MEX3D: variants seen among roughly 807,000 people sequenced by gnomAD.
MEX3D encodes mex-3 RNA binding family member D.
A neutral mutation model predicts 6.3 loss-of-function variants in MEX3D; 4 were observed. The observed-to-expected ratio is 0.64, with a 90% CI of 0.31 to 1.46. The LOEUF (loss-of-function observed/expected upper bound fraction) is 1.46. MEX3D is among the 40% of genes most tolerant of loss of function. The pLI is 0.07. For missense variants in MEX3D, 1,038 were observed against 994.4 expected (o/e 1.04, Z -0.59); for synonymous variants, 626 against 494.1 (o/e 1.27, Z -3.54).
chr19:1,564,063 C>T (rs907397209), intron 1 of MEX3D, among the ~76,000 whole-genome samples: 1 of 151,988 alleles, frequency 6.6e-6, no homozygotes, highest in Non-Finnish European at 1.5e-5. Context: ...CTGCCTCAGC[C>T]TCTCTGAGTG....
chr19:1,566,342 C>T (rs769541496), intron 1 of MEX3D, among the ~76,000 whole-genome samples: 1 of 152,192 alleles, frequency 6.6e-6, no homozygotes, highest in Non-Finnish European at 1.5e-5. Context: ...CCACCTGGAC[C>T]GAGGGAAAGG....
intron 1 of MEX3D, among the ~76,000 whole-genome samples, chr19:1,557,858 CAAAAAAAAAAAAAAAAAAAAA>C (rs550036323): frequency 2.0e-3 from 8 of 3,994 alleles, no homozygotes; most frequent in South Asian, 0.022. Context: ...GAGACTGTCT[CAAAAAAAAAAAAAAAAAAAAA>C]AAAAAAAAAA....
rs1407546573 is a variant in MEX3D at position 1,567,645 on chromosome 19, C to A, written c.414G>T (p.Pro138=). 1 of 1,102,796 alleles carries A rather than the reference C, an allele frequency of 9.1e-7. No individual in the cohort carries two copies. Among genetic ancestry groups the A allele is most frequent in the Non-Finnish European group, 1.1e-6 (1 of 875,632 alleles). The allele number at this position is 1,102,796 out of a possible 1,614,324, so 68.3% of individuals were successfully genotyped here. A position where few individuals can be genotyped will look rare whatever the true frequency, so the allele number is the denominator to read the frequency against. Residue 138 remains proline (P), a synonymous_variant, in exon 1 of 2, where the codon CCG becomes CCT. Transcript: ENST00000402693. This position sits in a 1 kb window ranked among gnomAD's most constrained non-coding sequence, Gnocchi z 6.5. ...ACACGTCGGGGGGCGACGGCCGGGG[C>A]GGCGGCGGCGGCGGGGGACTCGCGT... ...DPNASPPPPP[P]PRPSPPDVFA...
chr19:1,563,837 T>C (rs971656509), intron 1 of MEX3D, among the ~76,000 whole-genome samples: 1 of 152,194 alleles, frequency 6.6e-6, no homozygotes, highest in African/African-American at 2.4e-5. Flanking sequence ...AGACAGGGTC[T>C]TGCTTTGTTG....
In MEX3D at chr19:1,565,520, C is replaced by T. The variant is rs538994035; in HGVS notation, c.595+1944G>A. 3.9e-3 allele frequency among the ~76,000 whole-genome samples: 601 copies of T among 152,230 alleles called. 4 individuals are homozygous for T. The highest frequency in any genetic ancestry group is 0.014 in the African/African-American group (573 of 41,518). Reference sequence around the variant, plus strand: ...TCACGTCACTGCACTCCAGCCTGGGCGACAGAGCGAAACTCCGTCTCATAA... The same window carrying T: ...TCACGTCACTGCACTCCAGCCTGGGTGACAGAGCGAAACTCCGTCTCATAA... On this transcript the variant is annotated intron_variant, in intron 1 of 1. Transcript: ENST00000402693.
In MEX3D at chr19:1,555,224, T is replaced by G. The variant is rs549439190; in HGVS notation, c.*339A>C. On this transcript the variant is annotated 3_prime_UTR_variant, in exon 2 of 2. Transcript: ENST00000402693. ...AGCGCTGGAAAAGTCGTGTTTTTTG[T>G]TTTGCTTTTTTAAAGATCACCCTGG... 4 of 1,181,170 alleles carry G rather than the reference T, an allele frequency of 3.4e-6. No individual in the cohort carries two copies. The African/African-American group carries it at 4.8e-5, about 14-fold the overall frequency. The allele number at this position is 1,181,170 out of a possible 1,614,324, so 73.2% of individuals were successfully genotyped here.
Position 1,555,262 on chromosome 19 carries a change from T to C in MEX3D, c.*301A>G. The C allele has an allele frequency of 2.0e-6, 3 of 1,479,712 alleles. No individual in the cohort carries two copies. Among genetic ancestry groups the C allele is most frequent in the Non-Finnish European group, 1.8e-6 (2 of 1,090,562 alleles). The allele number at this position is 1,479,712 out of a possible 1,614,324, so 91.7% of individuals were successfully genotyped here. On this transcript the variant is annotated 3_prime_UTR_variant, in exon 2 of 2. Coordinates refer to ENST00000402693, the MANE Select transcript of MEX3D (RefSeq NM_203304.4). ...AAGATCACCCTGGAGGGGAGGGGTGTCTAAAAATAAGAAAACTAAAAAAAG... is the reference window on the plus strand; with the variant it reads ...AAGATCACCCTGGAGGGGAGGGGTGCCTAAAAATAAGAAAACTAAAAAAAG...
Position 1,563,124 on chromosome 19 carries a change from C to G in MEX3D, c.595+4340G>C, listed in dbSNP as rs975312172. On this transcript the variant is annotated intron_variant, in intron 1 of 1. Transcript: ENST00000402693. ...CAGTGTGGAGGTTTCCTAGCAGAGC[C>G]TTTCTTCCTAGGGCTCTGCAGTGTA... Among the ~76,000 whole-genome samples the G allele has an allele frequency of 2.6e-5, 4 of 152,224 alleles. No individual in the cohort carries two copies. In the East Asian group the frequency reaches 7.7e-4, roughly 29 times the overall value.
At chr19:1,562,996 C>A in intron 1 of MEX3D, among the ~76,000 whole-genome samples, 1 of 151,990 alleles carries the variant, frequency 6.6e-6, no homozygotes, top group East Asian at 1.9e-4. Flanking sequence ...CCAGCCTGGG[C>A]GACAAGAGCA....
rs756260500 is a variant in MEX3D, at chr19:1,555,519, C to A, written c.*44G>T. The A allele has an allele frequency of 6.5e-6, 10 of 1,531,514 alleles. No homozygotes were observed. The East Asian group carries it at 2.0e-4, about 30-fold the overall frequency. The allele number at this position is 1,531,514 out of a possible 1,614,324, so 94.9% of individuals were successfully genotyped here. ...GTCCCGCCCCGTCTCCCGCGCCCAC[C>A]CCTGGCCCCCGCAGATGGCCCCGGC... On this transcript the variant is annotated 3_prime_UTR_variant, in exon 2 of 2. Coordinates refer to ENST00000402693, the MANE Select transcript of MEX3D (RefSeq NM_203304.4).
intron 1 of MEX3D, among the ~76,000 whole-genome samples, chr19:1,557,339 T>C (rs113530191): frequency 8.5e-4 from 129 of 151,538 alleles, no homozygotes; most frequent in African/African-American, 3.0e-3. Flanking sequence ...CCGAGGCAGG[T>C]GGATCACTTG....
At position 1,568,052 on chromosome 19, in the gene MEX3D, T is replaced by TGGGCATGGCGGGAGCTAGCGCTG. The variant is rs1357645705; in HGVS notation, c.-17_6dup (p.Ser3GlnfsTer3). 1 of 973,896 alleles carries TGGGCATGGCGGGAGCTAGCGCTG rather than the reference T, an allele frequency of 1.0e-6. No individual in the cohort carries two copies. Among genetic ancestry groups the TGGGCATGGCGGGAGCTAGCGCTG allele is most frequent in the Non-Finnish European group, 1.2e-6 (1 of 826,454 alleles). The allele number at this position is 973,896 out of a possible 1,614,324, so 60.3% of individuals were successfully genotyped here. On this transcript the variant is annotated stop_gained and frameshift_variant, in exon 1 of 2. Coordinates refer to ENST00000402693, the MANE Select transcript of MEX3D (RefSeq NM_203304.4). LOFTEE classifies it high-confidence loss of function. ...CCGCCGTCGGGCTGGCCGAGCGAGC[T>TGGGCATGGCGGGAGCTAGCGCTG]GGGCATGGCGGGAGCTAGCGCTGGG...
Position 1,555,342 on chromosome 19 carries a change from G to C in MEX3D, c.*221C>G, listed in dbSNP as rs748753384. 5 of 1,600,896 alleles carry C rather than the reference G, an allele frequency of 3.1e-6. No homozygotes were observed. The highest frequency in any genetic ancestry group is 2.2e-5 in the South Asian group (2 of 90,146). On this transcript the variant is annotated 3_prime_UTR_variant, in exon 2 of 2. Transcript: ENST00000402693. ...TGTAACCTGACCACTCAATACTGTC[G>C]TTGAAGGGCTGAGGCGCCGCCGGGC... is the stretch of plus-strand genomic sequence containing the variant.
At chr19:1,559,513 G>A in intron 1 of MEX3D, among the ~76,000 whole-genome samples, 1 of 152,308 alleles carries the variant, frequency 6.6e-6, no homozygotes, top group East Asian at 1.9e-4. Flanking sequence ...CAGTCCTCCT[G>A]CCTCGGCCTC....
Position 1,568,169 on chromosome 19 carries a change from G to GGGGCGGGCACGGGGGGCC in MEX3D, c.-129_-112dup, listed in dbSNP as rs1276044801. On this transcript the variant is annotated 5_prime_UTR_variant, in exon 1 of 2. Coordinates refer to ENST00000402693, the MANE Select transcript of MEX3D (RefSeq NM_203304.4). Reference sequence around the variant, plus strand: ...CGCCGGCCGCCTGCATCCAGCGGCGGGGGCGGGCACGGGGGGCCGGGCGGG... The same window carrying GGGGCGGGCACGGGGGGCC: ...CGCCGGCCGCCTGCATCCAGCGGCGGGGGCGGGCACGGGGGGCCGGGCGGGCACGGGGGGCCGGGCGGG... 5 of 947,236 alleles carry GGGGCGGGCACGGGGGGCC rather than the reference G, an allele frequency of 5.3e-6. No individual in the cohort carries two copies. The highest frequency in any genetic ancestry group is 3.8e-6 in the Non-Finnish European group (3 of 799,564). 58.7% of individuals were successfully genotyped at this position (947,236 alleles called of 1,614,324 possible). A position where few individuals can be genotyped will look rare whatever the true frequency, so the allele number is the denominator to read the frequency against.
In MEX3D at chr19:1,567,507, C is replaced by T. The variant is rs1284589143; in HGVS notation, c.552G>A (p.Pro184=). 2.5e-6 allele frequency: 4 copies of T among 1,572,570 alleles called. No individual in the cohort carries two copies. The highest frequency in any genetic ancestry group is 1.1e-5 in the South Asian group (1 of 88,126). ...CGGCGACGTGCTCGGAGCTGGGCAC[C>T]GGGACGCACTCGGTCATGTTGACGC... ...KKSVNMTECV[P]VPSSEHVAEI... The change falls in exon 1 of 2, where the codon CCG becomes CCA. Residue 184 remains proline, a synonymous_variant. Transcript: ENST00000402693. This position sits in a 1 kb window ranked among gnomAD's most constrained non-coding sequence, Gnocchi z 6.5.
At position 1,555,202 on chromosome 19, in the gene MEX3D, G is replaced by A. The variant is rs532352465; in HGVS notation, c.*361C>T. 47 of 923,156 alleles carry A rather than the reference G, an allele frequency of 5.1e-5. No individual in the cohort carries two copies. In the African/African-American group the frequency reaches 6.5e-4, roughly 13 times the overall value. 57.2% of individuals were successfully genotyped at this position (923,156 alleles called of 1,614,324 possible). Reference sequence around the variant, plus strand: ...CGGACGAAAGGAAAAAACGCTGAGCGCTGGAAAAGTCGTGTTTTTTGTTTT... The same window carrying A: ...CGGACGAAAGGAAAAAACGCTGAGCACTGGAAAAGTCGTGTTTTTTGTTTT... On this transcript the variant is annotated 3_prime_UTR_variant, in exon 2 of 2. Transcript: ENST00000402693.
intron 1 of MEX3D, among the ~76,000 whole-genome samples, chr19:1,565,447 CAGG>C (rs1914815380): frequency 6.6e-6 from 1 of 152,122 alleles, no homozygotes; most frequent in Non-Finnish European, 1.5e-5. Flanking sequence ...GAGGCTGAGG[CAGG>C]AGAACTGCTT....
At position 1,567,999 on chromosome 19, in the gene MEX3D, GCCGCCGCCGCCGCCGCCCCCGCCC is replaced by G. The variant is rs1350979816; in HGVS notation, c.36_59del (p.Gly13_Gly20del). On this transcript the variant is annotated inframe_deletion, in exon 1 of 2. Coordinates refer to ENST00000402693, the MANE Select transcript of MEX3D (RefSeq NM_203304.4). This position sits in a 1 kb window ranked among gnomAD's most constrained non-coding sequence, Gnocchi z 6.5. ...CGGGGTCCTCCCCCGCCGCCCCCAC[GCCGCCGCCGCCGCCGCCCCCGCCC>G]CCGCCGCCGTCGGGCTGGCCGAGCG... 2.1e-6 allele frequency: 2 copies of G among 969,604 alleles called. No homozygotes were observed. Among genetic ancestry groups the G allele is most frequent in the African/African-American group, 1.8e-5 (1 of 55,266 alleles). 60.1% of individuals were successfully genotyped at this position (969,604 alleles called of 1,614,324 possible). A position where few individuals can be genotyped will look rare whatever the true frequency, so the allele number is the denominator to read the frequency against.
Sources: gnomAD v4.1 joint callset for allele counts (sites outside exome capture counted in the v4.1 genomes callset) on GRCh38, gnomAD v4.1.1 for gene constraint, Gnocchi (gnomAD v3.1) non-coding constraint, MANE v1.5 for transcripts, NCBI Gene and HGNC (gene_info 2026-07-23, HGNC 2026-07-21) for gene names.